Variants in TNKS observed in about 807,000 individuals in gnomAD.
The protein encoded by TNKS is tankyrase, also known as poly [ADP-ribose] polymerase tankyrase-1.
TNKS carries 72 observed loss-of-function variants against 135.8 expected under a neutral mutation model. The observed-to-expected ratio is 0.53, with a 90% CI of 0.44 to 0.64. TNKS has a LOEUF of 0.64. Among genes scored for constraint, TNKS ranks in the 30% least tolerant of loss-of-function variants. The probability of loss-of-function intolerance (pLI) is 0.00; values close to 1 mark genes in which losing one functional copy is unlikely to be tolerated. For missense variants in TNKS, 1,769 were observed against 1,674.0 expected (o/e 1.06, Z -0.99); for synonymous variants, 849 against 649.3 (o/e 1.31, Z -4.68).
At position 9,706,856 on chromosome 8, in the gene TNKS, C is replaced by G. The variant is rs747105760; in HGVS notation, c.1315C>G (p.Leu439Val). Residue 439 changes from leucine to valine, a missense_variant, in exon 8 of 27, where the codon CTG becomes GTG. Transcript: ENST00000310430. ...NAMDLWQFTPLHEAASKNRVE... is the reference protein window; with the variant it reads ...NAMDLWQFTPVHEAASKNRVE... ...CATGGATCTCTGGCAGTTTACTCCA[C>G]TGCACGAGGCTGCTTCCAAGAACCG... The G allele has an allele frequency of 1.2e-6, 2 of 1,613,674 alleles. No homozygotes were observed. Among genetic ancestry groups the G allele is most frequent in the African/African-American group, 2.7e-5 (2 of 74,898 alleles).
intron 13 of TNKS, 109 bp from the exon 14 acceptor site, chr8:9,730,781 T>G: frequency 1.6e-6 from 2 of 1,241,712 alleles, no homozygotes; most frequent in South Asian, 3.1e-5. Flanking sequence ...AAATATTCAT[T>G]AGACAATTAT....
rs1319365779 is a variant in TNKS, at chr8:9,602,151, C to T, written c.899-13431C>T. Among the ~76,000 whole-genome samples the T allele has an allele frequency of 3.3e-5, 5 of 152,244 alleles. No homozygotes were observed. The South Asian group carries it at 8.3e-4, about 25-fold the overall frequency. ...CATAACACACAGGACAGCTCCCCGC[C>T]GTTAAGTGCATTCAACAGACAAGCC... On this transcript the variant is annotated intron_variant, in intron 2 of 26. Coordinates refer to ENST00000310430, the MANE Select transcript of TNKS (RefSeq NM_003747.3).
chr8:9,663,382 G>A (rs1275817240), intron 3 of TNKS, among the ~76,000 whole-genome samples: 1 of 152,192 alleles, frequency 6.6e-6, no homozygotes, highest in African/African-American at 2.4e-5. Context: ...ACAAACACGT[G>A]TGTGTATATG....
At chr8:9,593,183 G>A (rs376045154) in intron 2 of TNKS, among the ~76,000 whole-genome samples, 3 of 152,296 alleles carry the variant, frequency 2.0e-5, no homozygotes, top group South Asian at 2.1e-4. Flanking sequence ...TAGTTGATAC[G>A]TAATATTGTA....
intron 2 of TNKS, among the ~76,000 whole-genome samples, chr8:9,610,431 G>A (rs1366939495): frequency 6.6e-6 from 1 of 151,600 alleles, no homozygotes; most frequent in Admixed American, 6.6e-5. Context: ...ATACATGTTT[G>A]TGTAGAAGAA....
Position 9,704,711 on chromosome 8 carries a change from C to T in TNKS, c.1156C>T (p.Gln386Ter), listed in dbSNP as rs775727999. The T allele has an allele frequency of 6.2e-7, 1 of 1,613,394 alleles. No homozygotes were observed. Among genetic ancestry groups the T allele is most frequent in the African/African-American group, 1.3e-5 (1 of 74,866 alleles). Residue 386 changes from glutamine (Q) to a stop codon, truncating the protein, a stop_gained, in exon 6 of 27, where the codon CAG (glutamine) becomes TAG (stop). Transcript: ENST00000310430. LOFTEE classifies it high-confidence loss of function. ...GGGCTACAACAGAGTTCGAATAGTTCAGCTTCTTCTTCAGCATGGTGCTGA... is the reference window on the plus strand; with the variant it reads ...GGGCTACAACAGAGTTCGAATAGTTTAGCTTCTTCTTCAGCATGGTGCTGA... ...AAGYNRVRIV[Q>*]LLLQHGADVH...
chr8:9,633,938 A>C (rs989223809), intron 3 of TNKS, among the ~76,000 whole-genome samples: 1 of 152,142 alleles, frequency 6.6e-6, no homozygotes, highest in African/African-American at 2.4e-5. Flanking sequence ...CATCCAGCTA[A>C]CCATTCCCAG....
At chr8:9,604,998 G>C (rs542300251) in intron 2 of TNKS, among the ~76,000 whole-genome samples, 2 of 151,666 alleles carry the variant, frequency 1.3e-5, no homozygotes, top group Admixed American at 6.6e-5. Flanking sequence ...TATTAGTTTT[G>C]TATAACATAA....
chr8:9,590,689 T>A (rs1426804650), intron 2 of TNKS, among the ~76,000 whole-genome samples: 1 of 152,240 alleles, frequency 6.6e-6, no homozygotes, highest in Non-Finnish European at 1.5e-5. Context: ...CATCTTTTCA[T>A]GTGCGTGTTT....
chr8:9,681,982 A>G (rs1328900307), intron 5 of TNKS, among the ~76,000 whole-genome samples: 1 of 152,158 alleles, frequency 6.6e-6, no homozygotes, highest in Non-Finnish European at 1.5e-5. Context: ...AATTACACAT[A>G]TCAAGCCATA....
At chr8:9,755,052 A>G (rs905832864) in intron 20 of TNKS, among the ~76,000 whole-genome samples, 6 of 152,216 alleles carry the variant, frequency 3.9e-5, no homozygotes, top group Non-Finnish European at 8.8e-5. Flanking sequence ...TAAATAAACC[A>G]AAGACCTTAA....
chr8:9,589,497 A>G (rs1207031347), intron 2 of TNKS, among the ~76,000 whole-genome samples: 1 of 152,256 alleles, frequency 6.6e-6, no homozygotes, highest in African/African-American at 2.4e-5. Flanking sequence ...TTCTCATTAG[A>G]ATCCTCCCTT....
At chr8:9,688,595 C>T (rs945800450) in intron 5 of TNKS, among the ~76,000 whole-genome samples, 2 of 152,158 alleles carry the variant, frequency 1.3e-5, no homozygotes, top group South Asian at 2.1e-4. Context: ...TAGGTTCCAG[C>T]ATGGTCAGAT....
intron 2 of TNKS, among the ~76,000 whole-genome samples, chr8:9,582,890 G>C (rs533856530): frequency 6.6e-6 from 1 of 152,260 alleles, no homozygotes; most frequent in South Asian, 2.1e-4. Context: ...TTTAGGGGCA[G>C]GCGCGGTGGC....
chr8:9,782,310 T>C lies in TNKS; in HGVS notation c.*5574T>C, dbSNP rs1808489903. On this transcript the variant is annotated 3_prime_UTR_variant, in exon 27 of 27. Coordinates refer to ENST00000310430, the MANE Select transcript of TNKS (RefSeq NM_003747.3). ...CTTAATGTCTAGCTCACTGTACTTGTAAATGATTAATATTCAATAAAACCA... is the reference window on the plus strand; with the variant it reads ...CTTAATGTCTAGCTCACTGTACTTGCAAATGATTAATATTCAATAAAACCA... 1.3e-5 allele frequency: 2 copies of C among 152,694 alleles called. No homozygotes were observed. Among genetic ancestry groups the C allele is most frequent in the African/African-American group, 2.4e-5 (1 of 41,470 alleles). The allele number at this position is 152,694 out of a possible 1,614,324, so 9.5% of individuals were successfully genotyped here.
At chr8:9,687,855 T>C (rs540256477) in intron 5 of TNKS, among the ~76,000 whole-genome samples, 1 of 152,356 alleles carries the variant, frequency 6.6e-6, no homozygotes, top group African/African-American at 2.4e-5. Context: ...ATTACAAATA[T>C]GATACTTCAG....
chr8:9,637,835 A>C (rs1454666953), intron 3 of TNKS, among the ~76,000 whole-genome samples: 1 of 152,220 alleles, frequency 6.6e-6, no homozygotes, highest in Admixed American at 6.5e-5. Context: ...TCAATTAAGA[A>C]TGCAAGCAAT....
intron 1 of TNKS, among the ~76,000 whole-genome samples, chr8:9,565,812 A>AC (rs1424368786): frequency 3.3e-5 from 5 of 152,052 alleles, no homozygotes; most frequent in Admixed American, 2.6e-4. Flanking sequence ...AGCCGAGATC[A>AC]CGCCACTGCA....
intron 16 of TNKS, 110 bp from the exon 17 acceptor site, chr8:9,735,267 T>C (rs1805638075): frequency 3.4e-6 from 4 of 1,172,768 alleles, no homozygotes; most frequent in Non-Finnish European, 4.8e-6. Flanking sequence ...GTATTAGCTT[T>C]TGAAGCAAAA....
Sources: gnomAD v4.1 joint callset for allele counts (sites outside exome capture counted in the v4.1 genomes callset) on GRCh38, gnomAD v4.1.1 for gene constraint, MANE v1.5 for transcripts, NCBI Gene and HGNC (gene_info 2026-07-23, HGNC 2026-07-21) for gene names.